SOX5: variants seen among roughly 807,000 people sequenced by gnomAD.
SOX5 encodes transcription factor SOX-5.
In SOX5, 9 loss-of-function variants were observed where a neutral mutation model predicts 92.0. The observed-to-expected ratio is 0.10, with a 90% CI of 0.06 to 0.17. The LOEUF (loss-of-function observed/expected upper bound fraction) is 0.17. SOX5 is among the 10% of genes least tolerant of loss of function. The probability of loss-of-function intolerance (pLI) is 1.00; values close to 1 mark genes in which losing one functional copy is unlikely to be tolerated. For missense variants in SOX5, 642 were observed against 944.5 expected (o/e 0.68, Z 4.20); for synonymous variants, 344 against 336.3 (o/e 1.02, Z -0.25).
intron 1 of SOX5, among the ~76,000 whole-genome samples, chr12:23,937,880 C>T (rs771334964): frequency 2.0e-5 from 3 of 150,858 alleles, no homozygotes; most frequent in Non-Finnish European, 3.0e-5. Context: ...CCATTCTTAA[C>T]GTGGACAGTG....
At chr12:23,977,500 T>C (rs1949047337) in intron 4 of SOX5, among the ~76,000 whole-genome samples, 1 of 152,062 alleles carries the variant, frequency 6.6e-6, no homozygotes, top group Non-Finnish European at 1.5e-5. Context: ...CGAAATCCCA[T>C]CTCTACTAAA....
intron 4 of SOX5, among the ~76,000 whole-genome samples, chr12:24,039,329 C>T (rs1021103655): frequency 6.6e-6 from 1 of 152,056 alleles, no homozygotes; most frequent in Non-Finnish European, 1.5e-5. Flanking sequence ...CTAAAACAAG[C>T]CAAAACAAAC....
At chr12:24,400,041 CAT>C (rs909616663) in intron 1 of SOX5, among the ~76,000 whole-genome samples, 1 of 152,146 alleles carries the variant, frequency 6.6e-6, no homozygotes, top group African/African-American at 2.4e-5. Flanking sequence ...AAAGATAAAA[CAT>C]AAACTTTCAA....
chr12:24,540,094 TCAGA>T (rs988843800), intron 1 of SOX5, among the ~76,000 whole-genome samples: 9 of 152,068 alleles, frequency 5.9e-5, no homozygotes, highest in African/African-American at 2.2e-4. Context: ...TACTTACAGA[TCAGA>T]CAGTCAATGG....
upstream of SOX5, chr12:23,950,808 G>A (rs1418207081): frequency 4.8e-6 from 7 of 1,444,162 alleles, no homozygotes; most frequent in African/African-American, 7.0e-5. Context: ...AAGGTAATCA[G>A]GTAATGTACC....
At chr12:24,156,810 A>G (rs938013037) in intron 4 of SOX5, among the ~76,000 whole-genome samples, 1 of 152,184 alleles carries the variant, frequency 6.6e-6, no homozygotes, top group Non-Finnish European at 1.5e-5. Flanking sequence ...TTTCTACAGC[A>G]TTAAAAATCT....
chr12:24,229,739 C>T (rs1962959167), intron 3 of SOX5, among the ~76,000 whole-genome samples: 1 of 152,114 alleles, frequency 6.6e-6, no homozygotes, highest in South Asian at 2.1e-4. Flanking sequence ...CCTTGTGTGC[C>T]CTGAAAAAGT....
At chr12:23,913,741 GAAAAAAAAA>G (rs765548695) in intron 1 of SOX5, among the ~76,000 whole-genome samples, 1 of 58,064 alleles carries the variant, frequency 1.7e-5, no homozygotes. Flanking sequence ...TGTCTCAGAA[GAAAAAAAAA>G]AAAAAAAAGA....
intron 9 of SOX5, among the ~76,000 whole-genome samples, chr12:23,585,412 T>C (rs1343351258): frequency 1.3e-5 from 2 of 152,184 alleles, no homozygotes; most frequent in African/African-American, 2.4e-5. Flanking sequence ...TTAACGTAAC[T>C]TGAGACTTGA....
intron 1 of SOX5, among the ~76,000 whole-genome samples, chr12:23,914,127 A>T (rs892744929): frequency 6.6e-6 from 1 of 152,152 alleles, no homozygotes; most frequent in African/African-American, 2.4e-5. Flanking sequence ...CAGAGCCCTA[A>T]ATTAATTCAT....
At chr12:23,762,069 A>C (rs1368976012) in intron 3 of SOX5, among the ~76,000 whole-genome samples, 1 of 152,072 alleles carries the variant, frequency 6.6e-6, no homozygotes, top group Non-Finnish European at 1.5e-5. Flanking sequence ...CAATAGCTGC[A>C]TATCTACACA....
intron 6 of SOX5, among the ~76,000 whole-genome samples, chr12:23,684,443 T>A (rs1291128073): frequency 6.6e-6 from 1 of 152,026 alleles, no homozygotes; most frequent in African/African-American, 2.4e-5. Context: ...CTGCTGGAAC[T>A]TCCTAGTATT....
intron 2 of SOX5, among the ~76,000 whole-genome samples, chr12:24,330,991 C>T (rs975962530): frequency 6.6e-6 from 1 of 152,174 alleles, no homozygotes; most frequent in East Asian, 1.9e-4. Context: ...AAGGCTGCGG[C>T]TAAATGGGGA....
At chr12:24,305,916 A>T (rs1948512423) in intron 2 of SOX5, among the ~76,000 whole-genome samples, 1 of 152,182 alleles carries the variant, frequency 6.6e-6, no homozygotes, top group South Asian at 2.1e-4. Context: ...TATTTTAAAG[A>T]TCTCCACCTC....
intron 4 of SOX5, among the ~76,000 whole-genome samples, chr12:23,974,088 G>A (rs1260867603): frequency 3.3e-5 from 5 of 152,066 alleles, no homozygotes; most frequent in Non-Finnish European, 7.4e-5. Flanking sequence ...CACAGTAAGA[G>A]ATTAATAACT....
intron 4 of SOX5, chr12:24,212,497 G>T (rs1456723774): frequency 1.9e-6 from 1 of 533,774 alleles, no homozygotes; most frequent in Non-Finnish European, 3.8e-6. Context: ...AGTAACACGG[G>T]AGGGGTTACA....
At chr12:24,296,000 C>T (rs978487568) in intron 2 of SOX5, among the ~76,000 whole-genome samples, 2 of 152,110 alleles carry the variant, frequency 1.3e-5, no homozygotes, top group South Asian at 2.1e-4. Flanking sequence ...TCTCATTTTA[C>T]CCAGTGCATT....
At chr12:24,385,405 A>C (rs1958277200) in intron 1 of SOX5, among the ~76,000 whole-genome samples, 1 of 152,202 alleles carries the variant, frequency 6.6e-6, no homozygotes, top group Non-Finnish European at 1.5e-5. Context: ...TAGTAAGGTA[A>C]GTTTACTAAA....
intron 8 of SOX5, among the ~76,000 whole-genome samples, chr12:23,615,936 C>A (rs1284065037): frequency 6.6e-6 from 1 of 152,126 alleles, no homozygotes; most frequent in Admixed American, 6.6e-5. Context: ...TCAAAATATT[C>A]ATAATAATAA....
Sources: allele counts gnomAD v4.1 joint callset (sites outside exome capture counted in the v4.1 genomes callset), GRCh38; gene constraint gnomAD v4.1.1; transcripts MANE v1.5; gene names NCBI Gene and HGNC (gene_info 2026-07-23, HGNC 2026-07-21).